CNBD1: variants seen among roughly 807,000 people sequenced by gnomAD.
CNBD1 encodes the protein cyclic nucleotide-binding domain-containing protein 1.
Under a neutral mutation model 54.4 loss-of-function variants are expected in CNBD1, and 71 were observed. That is an observed-to-expected ratio of 1.30 (90% confidence interval 1.08 to 1.59). CNBD1 has a LOEUF of 1.59. CNBD1 is among the 40% of genes most tolerant of loss of function. The pLI is 0.00. For missense variants in CNBD1, 659 were observed against 518.0 expected (o/e 1.27, Z -2.64); for synonymous variants, 182 against 170.7 (o/e 1.07, Z -0.51).
chr8:87,375,841 A>T (rs1810919106), intron 10 of CNBD1, among the ~76,000 whole-genome samples: 1 of 151,886 alleles, frequency 6.6e-6, no homozygotes, highest in African/African-American at 2.4e-5. Flanking sequence ...CTTTCCTAAT[A>T]TGCTTTTGGA....
At chr8:86,985,544 G>A (rs1808587450) in intron 4 of CNBD1, among the ~76,000 whole-genome samples, 1 of 152,178 alleles carries the variant, frequency 6.6e-6, no homozygotes. Context: ...CTGCATCCAT[G>A]TTGCTACAAA....
At chr8:87,340,072 G>A (rs1331965252) in intron 8 of CNBD1, among the ~76,000 whole-genome samples, 6 of 152,096 alleles carry the variant, frequency 3.9e-5, no homozygotes, top group African/African-American at 1.4e-4. Context: ...CCTAAGGCAG[G>A]TCTAGTTATA....
At chr8:87,368,400 C>T (rs72668637) in intron 10 of CNBD1, among the ~76,000 whole-genome samples, 7,938 of 151,992 alleles carry the variant, frequency 0.052, 284 homozygotes, top group Non-Finnish European at 0.076. Flanking sequence ...TTTTAGGAGG[C>T]TGAAGTGAGA....
chr8:87,258,933 T>G (rs941836488), intron 6 of CNBD1, among the ~76,000 whole-genome samples: 2 of 152,198 alleles, frequency 1.3e-5, no homozygotes, highest in African/African-American at 4.8e-5. Flanking sequence ...CACAACTTGT[T>G]TAAACCTTTA....
intron 4 of CNBD1, among the ~76,000 whole-genome samples, chr8:87,077,123 G>A (rs1810888256): frequency 6.6e-6 from 1 of 152,180 alleles, no homozygotes; most frequent in Non-Finnish European, 1.5e-5. Flanking sequence ...GCAAAGGAAG[G>A]ATATTTTTGA....
intron 4 of CNBD1, among the ~76,000 whole-genome samples, chr8:86,956,477 T>C (rs1807774199): frequency 6.6e-6 from 1 of 152,212 alleles, no homozygotes; most frequent in Non-Finnish European, 1.5e-5. Context: ...GGAATGTTCT[T>C]CTATTTGTTT....
intron 4 of CNBD1, among the ~76,000 whole-genome samples, chr8:87,066,864 C>G (rs1316210964): frequency 2.0e-5 from 3 of 151,716 alleles, no homozygotes; most frequent in Admixed American, 6.6e-5. Context: ...ATTTTACTTC[C>G]TATAATTATT....
intron 2 of CNBD1, among the ~76,000 whole-genome samples, chr8:87,423,338 A>G (rs1005364746): frequency 2.7e-5 from 4 of 148,194 alleles, no homozygotes; most frequent in African/African-American, 7.7e-5. Flanking sequence ...GAGAGAGGGC[A>G]TCCCTGTCTT....
intron 6 of CNBD1, among the ~76,000 whole-genome samples, chr8:87,239,121 T>C (rs897935083): frequency 3.3e-5 from 5 of 152,202 alleles, no homozygotes; most frequent in African/African-American, 1.2e-4. Context: ...CTAAATCCAG[T>C]ATTTTTTCTA....
At chr8:86,868,566 C>G (rs937576365) in intron 1 of CNBD1, among the ~76,000 whole-genome samples, 1 of 105,104 alleles carries the variant, frequency 9.5e-6, no homozygotes, top group Non-Finnish European at 2.0e-5. Flanking sequence ...CTCCTCACCT[C>G]GTGATCTGCC....
At chr8:87,356,913 G>A (rs559059955) in intron 10 of CNBD1, among the ~76,000 whole-genome samples, 5 of 152,210 alleles carry the variant, frequency 3.3e-5, no homozygotes, top group Non-Finnish European at 7.4e-5. Flanking sequence ...GCCAGGCTGA[G>A]GATACTGCTG....
intron 4 of CNBD1, among the ~76,000 whole-genome samples, chr8:86,966,320 A>T (rs985710542): frequency 6.6e-6 from 1 of 152,114 alleles, no homozygotes; most frequent in Non-Finnish European, 1.5e-5. Flanking sequence ...CCAAGACTGG[A>T]GCGGGTGCTG....
At position 86,896,098 on chromosome 8, in the gene CNBD1, C is replaced by G. The variant is rs1306709331; in HGVS notation, c.158+8487C>G. ...TTGTGTATGGCATAAGATAGGGGTACAATTTCATTCTTTTCCCATTTTAAA... is the reference window on the plus strand; with the variant it reads ...TTGTGTATGGCATAAGATAGGGGTAGAATTTCATTCTTTTCCCATTTTAAA... On this transcript the variant is annotated intron_variant, in intron 2 of 10. Coordinates refer to ENST00000518476, the MANE Select transcript of CNBD1 (RefSeq NM_173538.3). Among the ~76,000 whole-genome samples, 7 of 152,128 alleles carry G rather than the reference C, an allele frequency of 4.6e-5. No individual in the cohort carries two copies. In the East Asian group the frequency reaches 1.4e-3, roughly 29 times the overall value.
intron 8 of CNBD1, among the ~76,000 whole-genome samples, chr8:87,347,529 C>G (rs536365835): frequency 6.6e-6 from 1 of 151,670 alleles, no homozygotes; most frequent in African/African-American, 2.4e-5. Flanking sequence ...AAATCAATAA[C>G]TTAGATGGCA....
intron 6 of CNBD1, among the ~76,000 whole-genome samples, chr8:87,243,331 T>C (rs1807741745): frequency 6.6e-6 from 1 of 152,194 alleles, no homozygotes; most frequent in Non-Finnish European, 1.5e-5. Flanking sequence ...CAAGAACATA[T>C]TCCAATTAAT....
intron 4 of CNBD1, among the ~76,000 whole-genome samples, chr8:87,068,527 G>A (rs1810700468): frequency 6.6e-6 from 1 of 151,974 alleles, no homozygotes; most frequent in Admixed American, 6.6e-5. Flanking sequence ...TATGTGTTTA[G>A]GCCAAGGTTT....
At chr8:87,384,870 G>C (rs1229166779), downstream of CNBD1, among the ~76,000 whole-genome samples, 1 of 152,166 alleles carries the variant, frequency 6.6e-6, no homozygotes, top group Non-Finnish European at 1.5e-5. Context: ...GTTAGATGTA[G>C]TTGAAATGAA....
chr8:87,200,303 T>C (rs1280851224), intron 4 of CNBD1, among the ~76,000 whole-genome samples: 4 of 152,076 alleles, frequency 2.6e-5, no homozygotes, highest in African/African-American at 9.7e-5. Flanking sequence ...CCTAAAAACA[T>C]CACAGTCAGT....
chr8:86,917,168 ATAGT>A (rs1809200514), intron 3 of CNBD1, among the ~76,000 whole-genome samples: 2 of 148,746 alleles, frequency 1.3e-5, no homozygotes, highest in Non-Finnish European at 3.0e-5. Context: ...GAATATCTAG[ATAGT>A]TATTGAGGAA....
Sources: gnomAD v4.1 joint callset for allele counts (sites outside exome capture counted in the v4.1 genomes callset) on GRCh38, gnomAD v4.1.1 for gene constraint, MANE v1.5 for transcripts, NCBI Gene and HGNC (gene_info 2026-07-23, HGNC 2026-07-21) for gene names.